Variants in RAB11FIP3 observed in about 807,000 individuals in gnomAD.
RAB11FIP3 encodes rab11 family-interacting protein 3.
Under a neutral mutation model 77.8 loss-of-function variants are expected in RAB11FIP3, and 17 were observed. The ratio of observed to expected loss-of-function variants is 0.22; its 90% CI spans 0.15 to 0.33. The LOEUF (loss-of-function observed/expected upper bound fraction) is 0.33. Ranked by LOEUF, RAB11FIP3 falls within the 10% of genes least tolerant of loss-of-function variation. The pLI, the probability that RAB11FIP3 is intolerant of heterozygous loss-of-function variation, is 1.00. For missense variants in RAB11FIP3, 1,005 were observed against 1,011.2 expected (o/e 0.99, Z 0.08); for synonymous variants, 437 against 448.2 (o/e 0.98, Z 0.31).
At chr16:445,989 C>G (rs1426388624) in intron 1 of RAB11FIP3, among the ~76,000 whole-genome samples, 1 of 152,014 alleles carries the variant, frequency 6.6e-6, no homozygotes, top group African/African-American at 2.4e-5. Flanking sequence ...GGAAAGTGTT[C>G]TAGACACAGA....
intron 6 of RAB11FIP3, among the ~76,000 whole-genome samples, chr16:497,973 A>G (rs1394844056): frequency 6.8e-6 from 1 of 146,556 alleles, no homozygotes; most frequent in African/African-American, 2.5e-5. Context: ...TTAAAAATTA[A>G]AAAAAAAAAA....
intron 4 of RAB11FIP3, among the ~76,000 whole-genome samples, chr16:485,745 T>G (rs2056141912): frequency 2.0e-5 from 3 of 152,224 alleles, no homozygotes; most frequent in Admixed American, 2.0e-4. Context: ...ATAGTTGAGC[T>G]TATCCATTTT....
chr16:491,456 C>G, intron 5 of RAB11FIP3, among the ~76,000 whole-genome samples: 1 of 152,128 alleles, frequency 6.6e-6, no homozygotes, highest in Non-Finnish European at 1.5e-5. Context: ...CCCCTGCATG[C>G]GCAGCCCAGG....
At chr16:490,865 C>A (rs998112425) in intron 5 of RAB11FIP3, among the ~76,000 whole-genome samples, 1 of 152,198 alleles carries the variant, frequency 6.6e-6, no homozygotes. Flanking sequence ...CCCCTGCTTT[C>A]TTCTGGGCAC....
chr16:439,517 G>A (rs1356610405), intron 1 of RAB11FIP3: 3 of 152,158 alleles, frequency 2.0e-5, no homozygotes, highest in South Asian at 2.1e-4. Flanking sequence ...CACTAAAACC[G>A]GCGTCCTAGC....
chr16:476,295 G>A (rs2055906493), intron 3 of RAB11FIP3, among the ~76,000 whole-genome samples: 1 of 152,170 alleles, frequency 6.6e-6, no homozygotes, highest in South Asian at 2.1e-4. Flanking sequence ...CTGTGTCCGT[G>A]GAGAATTCTT....
intron 2 of RAB11FIP3, among the ~76,000 whole-genome samples, chr16:464,333 T>C (rs1296939359): frequency 6.6e-6 from 1 of 152,216 alleles, no homozygotes; most frequent in African/African-American, 2.4e-5. Context: ...GTGTACTTTA[T>C]ACATTTATTT....
chr16:498,304 C>T (rs2031288078), intron 6 of RAB11FIP3, among the ~76,000 whole-genome samples: 1 of 152,082 alleles, frequency 6.6e-6, no homozygotes, highest in African/African-American at 2.4e-5. Flanking sequence ...CTCCTGAGGA[C>T]CTGGGACTAC....
chr16:492,413 G>GTCCGTCCAGAGCCTT (rs1567392092), intron 5 of RAB11FIP3, among the ~76,000 whole-genome samples: 2 of 142,910 alleles, frequency 1.4e-5, no homozygotes, highest in African/African-American at 5.2e-5. Flanking sequence ...ACCCGAGGCC[G>GTCCGTCCAGAGCCTT]CCCAGGGCCC....
At chr16:508,901 T>G (rs1428145057) in intron 8 of RAB11FIP3, among the ~76,000 whole-genome samples, 1 of 151,852 alleles carries the variant, frequency 6.6e-6, no homozygotes, top group Non-Finnish European at 1.5e-5. Context: ...CAACTCTTGA[T>G]CAGATCTTTT....
intron 9 of RAB11FIP3, among the ~76,000 whole-genome samples, chr16:513,830 T>G (rs2032290516): frequency 6.6e-6 from 1 of 152,136 alleles, no homozygotes; most frequent in Non-Finnish European, 1.5e-5. Context: ...GCCATTGCAG[T>G]GGGGCGCCGT....
At chr16:450,316 T>C (rs2055386375) in intron 1 of RAB11FIP3, among the ~76,000 whole-genome samples, 1 of 152,074 alleles carries the variant, frequency 6.6e-6, no homozygotes, top group Admixed American at 6.5e-5. Flanking sequence ...ACCACAAGCA[T>C]GCACCACCAT....
At chr16:460,811 G>A (rs969505952) in intron 1 of RAB11FIP3, among the ~76,000 whole-genome samples, 15 of 150,972 alleles carry the variant, frequency 9.9e-5, no homozygotes, top group African/African-American at 3.7e-4. Context: ...AGTGGCCAGG[G>A]TCCTACTCCT....
chr16:450,996 T>C (rs2055399281), intron 1 of RAB11FIP3, among the ~76,000 whole-genome samples: 1 of 152,044 alleles, frequency 6.6e-6, no homozygotes, highest in African/African-American at 2.4e-5. Context: ...TGTGGACTCT[T>C]TGGTTGCTTT....
chr16:488,827 C>T, intron 4 of RAB11FIP3, 24 bp from the exon 5 acceptor site: 20 of 1,609,460 alleles, frequency 1.2e-5, no homozygotes, highest in Non-Finnish European at 1.7e-5. Context: ...AGTCAGAAGA[C>T]ATCATTTCTG....
At chr16:478,056 A>G (rs1487213422) in intron 3 of RAB11FIP3, among the ~76,000 whole-genome samples, 1 of 152,194 alleles carries the variant, frequency 6.6e-6, no homozygotes, top group East Asian at 1.9e-4. Context: ...CAAAGATGGA[A>G]CTGCGGCCTC....
At chr16:439,295 G>A (rs1456728334) in intron 1 of RAB11FIP3, 1 of 152,234 alleles carries the variant, frequency 6.6e-6, no homozygotes, top group African/African-American at 2.4e-5. Flanking sequence ...CTTTCTGTCT[G>A]TTCATGGCTA....
At position 461,310 on chromosome 16, in the gene RAB11FIP3, G is replaced by A. The variant is rs1184224911; in HGVS notation, c.715-94G>A. ...CTGCTGTGCTTCCCCGTTCCCAGCA[G>A]GCCACACACCAGATCTCTCCCAGTC... On this transcript the variant is annotated intron_variant, in intron 1 of 13. Transcript: ENST00000262305. This position sits in a 1 kb window ranked among gnomAD's most constrained non-coding sequence, Gnocchi z 4.5. 6.7e-6 allele frequency: 6 copies of A among 898,620 alleles called. No individual in the cohort carries two copies. Among genetic ancestry groups the A allele is most frequent in the Non-Finnish European group, 8.5e-6 (5 of 585,756 alleles). 55.7% of individuals were successfully genotyped at this position (898,620 alleles called of 1,614,324 possible). A position where few individuals can be genotyped will look rare whatever the true frequency, so the allele number is the denominator to read the frequency against.
At chr16:497,661 G>C (rs983381867) in intron 6 of RAB11FIP3, among the ~76,000 whole-genome samples, 1 of 152,124 alleles carries the variant, frequency 6.6e-6, no homozygotes, top group South Asian at 2.1e-4. Context: ...TTTGTTTCGG[G>C]GGTTGGATCC....
Sources: gnomAD v4.1 joint callset for allele counts (sites outside exome capture counted in the v4.1 genomes callset) on GRCh38, gnomAD v4.1.1 for gene constraint, Gnocchi (gnomAD v3.1) non-coding constraint, MANE v1.5 for transcripts, NCBI Gene and HGNC (gene_info 2026-07-23, HGNC 2026-07-21) for gene names.